The following DSTYK variants were observed in gnomAD, a reference collection of about 807,000 sequenced individuals.
DSTYK encodes the protein RIP-homologous kinase.
DSTYK carries 34 observed loss-of-function variants against 98.7 expected under a neutral mutation model. The observed-to-expected ratio is 0.34, with a 90% CI of 0.26 to 0.46. The LOEUF (loss-of-function observed/expected upper bound fraction) is 0.46, where lower values mean the gene tolerates loss of function less well. DSTYK is among the 20% of genes least tolerant of loss of function. DSTYK has a pLI of 1.00. For missense variants in DSTYK, 962 were observed against 1,181.7 expected, an observed-to-expected ratio of 0.81 and a Z score of 2.73; for synonymous variants, 462 against 457.3, an observed-to-expected ratio of 1.01 and a Z score of -0.13.
Position 205,157,318 on chromosome 1 carries a change from G to A in DSTYK, c.2307C>T (p.His769=), listed in dbSNP as rs879125937. The A allele has an allele frequency of 6.2e-7, 1 of 1,614,132 alleles. No individual in the cohort carries two copies. Among genetic ancestry groups the A allele is most frequent in the Non-Finnish European group, 8.5e-7 (1 of 1,179,996 alleles). Residue 769 remains histidine (H), a synonymous_variant, in exon 10 of 13, where the codon CAC becomes CAT. Coordinates refer to ENST00000367162, the MANE Select transcript of DSTYK (RefSeq NM_015375.3). ...TATCACGATGGACAAGTCCCTGGCT[G>A]TGCAGGAAGCGGATTCCCTCCACCA... ...LDVVEGIRFL[H]SQGLVHRDIK...
At chr1:205,193,274 C>T (rs556915197) in intron 1 of DSTYK, among the ~76,000 whole-genome samples, 106 of 152,266 alleles carry the variant, frequency 7.0e-4, no homozygotes, top group South Asian at 1.5e-3. Context: ...ATACTCGTGA[C>T]CTGTTTCTGT....
At chr1:205,157,159 A>G (rs1029199008) in intron 10 of DSTYK, 114 bp downstream of exon 10, 8 of 800,650 alleles carry the variant, frequency 1.0e-5, no homozygotes, top group Non-Finnish European at 1.5e-5. Context: ...AGAATGGACT[A>G]ATACACTTTC....
intron 2 of DSTYK, among the ~76,000 whole-genome samples, chr1:205,176,378 A>C (rs1658228371): frequency 7.0e-6 from 1 of 142,338 alleles, no homozygotes; most frequent in Admixed American, 7.3e-5. Context: ...CGGGAGGCTG[A>C]GGCAGGAGAA....
chr1:205,209,691 T>G (rs942101387), intron 1 of DSTYK, among the ~76,000 whole-genome samples: 1 of 133,256 alleles, frequency 7.5e-6, no homozygotes, highest in African/African-American at 2.5e-5. Flanking sequence ...TATCTTATTT[T>G]TATCACCATT....
chr1:205,170,683 A>C (rs1184371261), intron 2 of DSTYK, among the ~76,000 whole-genome samples: 1 of 152,218 alleles, frequency 6.6e-6, no homozygotes, highest in African/African-American at 2.4e-5. Context: ...GCAAAGACCA[A>C]GGTTTGCCTA....
intron 1 of DSTYK, among the ~76,000 whole-genome samples, chr1:205,195,087 A>G (rs2102464906): frequency 6.7e-6 from 1 of 149,338 alleles, no homozygotes; most frequent in Middle Eastern, 3.5e-3. Context: ...TCAGCCTCCC[A>G]AAGTGCTGAG....
chr1:205,208,160 G>T lies in DSTYK; in HGVS notation c.265+3111C>A, dbSNP rs1240931782. Among the ~76,000 whole-genome samples the T allele has an allele frequency of 2.0e-5, 3 of 152,104 alleles. No individual in the cohort carries two copies. In the East Asian group the frequency reaches 5.8e-4, roughly 29 times the overall value. On this transcript the variant is annotated intron_variant, in intron 1 of 12. Transcript: ENST00000367162. Reference sequence around the variant, plus strand: ...CTCCCAAAGTGCTGGGATTACAGGTGTGAGCCACCGCACCCAGCCTTACTT... The same window carrying T: ...CTCCCAAAGTGCTGGGATTACAGGTTTGAGCCACCGCACCCAGCCTTACTT...
intron 11 of DSTYK, among the ~76,000 whole-genome samples, chr1:205,149,632 A>T (rs1010633569): frequency 1.3e-5 from 2 of 152,184 alleles, no homozygotes; most frequent in African/African-American, 4.8e-5. Flanking sequence ...ATAGAAGACC[A>T]GCTATCTAGT....
Position 205,211,562 on chromosome 1 carries a change from C to T in DSTYK, c.-27G>A. The T allele has an allele frequency of 6.9e-7, 1 of 1,452,076 alleles. No individual in the cohort carries two copies. Among genetic ancestry groups the T allele is most frequent in the Non-Finnish European group, 9.0e-7 (1 of 1,109,850 alleles). The allele number at this position is 1,452,076 out of a possible 1,614,324, so 89.9% of individuals were successfully genotyped here. ...GCCTCTGCCCGCTCTGTCTTTGCGG[C>T]TCGGTCCCCGGCCGCAGGCCCGGCC... On this transcript the variant is annotated 5_prime_UTR_variant, in exon 1 of 13. Transcript: ENST00000367162.
At chr1:205,175,237 A>T (rs1658194507) in intron 2 of DSTYK, among the ~76,000 whole-genome samples, 1 of 151,720 alleles carries the variant, frequency 6.6e-6, no homozygotes, top group Admixed American at 6.6e-5. Context: ...TGTTGCTGGG[A>T]CTACAGGCGC....
At chr1:205,164,251 A>T (rs1279754643) in intron 3 of DSTYK, among the ~76,000 whole-genome samples, 3 of 152,062 alleles carry the variant, frequency 2.0e-5, no homozygotes, top group African/African-American at 4.8e-5. Context: ...CCAGGAGTTC[A>T]AGATGAGCTT....
chr1:205,187,375 G>T, intron 2 of DSTYK, 43 bp downstream of exon 2: 1 of 1,535,168 alleles, frequency 6.5e-7, no homozygotes. Flanking sequence ...AAGGAAAGCT[G>T]GTATATATGT....
At position 205,142,593 on chromosome 1, in the gene DSTYK, C is replaced by T. The variant is rs1657104265; in HGVS notation, c.*4965G>A. Reference sequence around the variant, plus strand: ...GAATACTCTATAAAACCAAACCCAACCCTTCAATATTACACTAATGAAGAT... The same window carrying T: ...GAATACTCTATAAAACCAAACCCAATCCTTCAATATTACACTAATGAAGAT... On this transcript the variant is annotated 3_prime_UTR_variant, in exon 13 of 13. Coordinates refer to ENST00000367162, the MANE Select transcript of DSTYK (RefSeq NM_015375.3). The T allele has an allele frequency of 6.6e-6, 1 of 152,208 alleles. No homozygotes were observed. Among genetic ancestry groups the T allele is most frequent in the South Asian group, 2.1e-4 (1 of 4,834 alleles). The allele number at this position is 152,208 out of a possible 1,614,324, so 9.4% of individuals were successfully genotyped here. A position where few individuals can be genotyped will look rare whatever the true frequency, so the allele number is the denominator to read the frequency against.
intron 2 of DSTYK, among the ~76,000 whole-genome samples, chr1:205,175,077 T>C (rs997395131): frequency 6.8e-6 from 1 of 146,146 alleles, no homozygotes; most frequent in African/African-American, 2.5e-5. Flanking sequence ...TGGCCTGATA[T>C]ATTGGCACCC....
chr1:205,180,951 G>C (rs1269237468), intron 2 of DSTYK, among the ~76,000 whole-genome samples: 2 of 152,254 alleles, frequency 1.3e-5, no homozygotes, highest in Non-Finnish European at 2.9e-5. Context: ...TGCATGCTAG[G>C]GTAAAGGTGA....
In DSTYK at chr1:205,160,270, C is replaced by T. The variant is rs776132078; in HGVS notation, c.1949G>A (p.Arg650His). 1.2e-5 allele frequency: 19 copies of T among 1,613,664 alleles called. No homozygotes were observed. The highest frequency in any genetic ancestry group is 2.7e-5 in the African/African-American group (2 of 74,878). Residue 650 changes from arginine (R) to histidine (H), a missense_variant and splice_region_variant, in exon 8 of 13, where the codon CGT becomes CAT. Transcript: ENST00000367162. ...SCSLQDVLLH[R>H]KPKLGQELGR... ...CAGTTCCTGTCCCAGTTTAGGTTTA[C>T]CTATAAGGTACAGAGACAGAGATAA...
rs1657265586 is a variant in DSTYK at position 205,147,300 on chromosome 1, T to A, written c.*258A>T. ...TCATTTGTGAAGCCAGAACACCACATTCCTCAGCTTTTACACATCTGAGAC... is the reference window on the plus strand; with the variant it reads ...TCATTTGTGAAGCCAGAACACCACAATCCTCAGCTTTTACACATCTGAGAC... On this transcript the variant is annotated 3_prime_UTR_variant, in exon 13 of 13. Transcript: ENST00000367162. The A allele has an allele frequency of 8.6e-6, 3 of 347,288 alleles. No individual in the cohort carries two copies. The highest frequency in any genetic ancestry group is 8.4e-5 in the East Asian group (2 of 23,864). 21.5% of individuals were successfully genotyped at this position (347,288 alleles called of 1,614,324 possible). A position where few individuals can be genotyped will look rare whatever the true frequency, so the allele number is the denominator to read the frequency against.
At chr1:205,179,128 C>CAA (rs548813385) in intron 2 of DSTYK, among the ~76,000 whole-genome samples, 1 of 122,696 alleles carries the variant, frequency 8.2e-6, no homozygotes, top group Non-Finnish European at 1.7e-5. Flanking sequence ...GATACTGTCT[C>CAA]AAAAAAAAAA....
At chr1:205,172,936 A>G (rs1188230253) in intron 2 of DSTYK, 1 of 152,166 alleles carries the variant, frequency 6.6e-6, no homozygotes, top group Non-Finnish European at 1.5e-5. Flanking sequence ...ACCCCCTTTC[A>G]CTACCCTGAG....
Sources: allele counts gnomAD v4.1 joint callset (sites outside exome capture counted in the v4.1 genomes callset), GRCh38; gene constraint gnomAD v4.1.1; transcripts MANE v1.5; gene names NCBI Gene and HGNC (gene_info 2026-07-23, HGNC 2026-07-21).